Variants in KIAA1217 observed in about 807,000 individuals in gnomAD.
KIAA1217 encodes the protein sickle tail protein homolog.
Under a neutral mutation model 163.9 loss-of-function variants are expected in KIAA1217, and 88 were observed. That is an observed-to-expected ratio of 0.54 (90% confidence interval 0.45 to 0.64). The LOEUF (loss-of-function observed/expected upper bound fraction) is 0.64, where lower values mean the gene tolerates loss of function less well. Among genes scored for constraint, KIAA1217 ranks in the 30% least tolerant of loss-of-function variants. The probability of loss-of-function intolerance (pLI) is 0.00; values close to 1 mark genes in which losing one functional copy is unlikely to be tolerated. For synonymous variants in KIAA1217, 903 were observed against 923.1 expected (o/e 0.98, Z 0.39); for missense variants, 2,372 against 2,475.0 (o/e 0.96, Z 0.88).
At chr10:24,169,660 T>G (rs1004603914) in intron 2 of KIAA1217, among the ~76,000 whole-genome samples, 4 of 152,118 alleles carry the variant, frequency 2.6e-5, no homozygotes, top group Non-Finnish European at 4.4e-5. Flanking sequence ...GTATTTAACT[T>G]GTCCAATGTT....
chr10:24,072,470 A>C (rs1008627721), intron 2 of KIAA1217, among the ~76,000 whole-genome samples: 1 of 152,242 alleles, frequency 6.6e-6, no homozygotes, highest in African/African-American at 2.4e-5. Context: ...TGTATTAGGT[A>C]AACATAAATA....
intron 2 of KIAA1217, 147 bp downstream of exon 2, chr10:24,220,056 G>A (rs762233384): frequency 2.9e-5 from 24 of 822,522 alleles, no homozygotes; most frequent in Non-Finnish European, 3.6e-5. Flanking sequence ...TGGGGCCTTG[G>A]GAGGAGGAAG....
intron 1 of KIAA1217, among the ~76,000 whole-genome samples, chr10:23,927,337 T>A (rs998805891): frequency 4.0e-5 from 6 of 151,592 alleles, no homozygotes; most frequent in African/African-American, 1.5e-4. Flanking sequence ...TGTGTGTGTG[T>A]GTGTGTGTGT....
intron 3 of KIAA1217, among the ~76,000 whole-genome samples, chr10:24,382,481 A>T (rs6482386): frequency 6.6e-6 from 1 of 151,932 alleles, no homozygotes; most frequent in East Asian, 1.9e-4. Context: ...TTAATATTTA[A>T]CATTAAATTT....
intron 1 of KIAA1217, among the ~76,000 whole-genome samples, chr10:23,793,251 G>C (rs1836043098): frequency 1.3e-5 from 2 of 152,206 alleles, no homozygotes; most frequent in South Asian, 2.1e-4. Flanking sequence ...CTTCACAAGT[G>C]AGTGGAGAGG....
At chr10:24,421,762 A>C (rs1349698065) in intron 3 of KIAA1217, among the ~76,000 whole-genome samples, 1 of 152,186 alleles carries the variant, frequency 6.6e-6, no homozygotes, top group Admixed American at 6.5e-5. Context: ...TATATTGCAG[A>C]AAATTTTAGG....
chr10:24,297,333 G>A (rs556221459), intron 2 of KIAA1217, among the ~76,000 whole-genome samples: 1 of 152,288 alleles, frequency 6.6e-6, no homozygotes, highest in African/African-American at 2.4e-5. Context: ...TCAGTGTGAC[G>A]TAAGTAACTA....
At chr10:23,893,129 A>C (rs911114957) in intron 1 of KIAA1217, among the ~76,000 whole-genome samples, 2 of 151,788 alleles carry the variant, frequency 1.3e-5, no homozygotes, top group Non-Finnish European at 2.9e-5. Context: ...CCTGGACTCT[A>C]TTTGGTTGGT....
rs779820815 is a variant in KIAA1217, at chr10:24,219,712, C to A, written c.157C>A (p.Arg53Ser). The change falls in exon 2 of 21, where the codon CGT becomes AGT. Residue 53 changes from arginine to serine, a missense_variant. Around this residue, in one of 3 missense-constraint regions of KIAA1217, gnomAD observed 1,431 missense variants for 1,470.3 expected, o/e 0.97. Coordinates refer to ENST00000376454, the MANE Select transcript of KIAA1217 (RefSeq NM_019590.5). Reference sequence around the variant, plus strand: ...GGAACGCCTTTCTAATGGAAACAGTCGTGGTTCAGTTTCCAAGTCTTCCCG... The same window carrying A: ...GGAACGCCTTTCTAATGGAAACAGTAGTGGTTCAGTTTCCAAGTCTTCCCG... The part of the protein sequence containing the change: ...TKERLSNGNS[R>S]GSVSKSSRNI... 10 of 1,613,916 alleles carry A rather than the reference C, an allele frequency of 6.2e-6. No homozygotes were observed. In the South Asian group the frequency reaches 1.1e-4, roughly 18 times the overall value.
At chr10:24,066,107 C>G (rs113598485) in intron 2 of KIAA1217, among the ~76,000 whole-genome samples, 2 of 152,146 alleles carry the variant, frequency 1.3e-5, no homozygotes, top group Non-Finnish European at 2.9e-5. Context: ...ATTTGCCAGT[C>G]TGTGCCTTTT....
chr10:24,137,269 C>A (rs944021854), intron 2 of KIAA1217, among the ~76,000 whole-genome samples: 1 of 152,218 alleles, frequency 6.6e-6, no homozygotes, highest in Non-Finnish European at 1.5e-5. Context: ...GTTCCCCCTG[C>A]CCCAGGCAGC....
At chr10:24,376,782 ACC>A (rs2052557867) in intron 2 of KIAA1217, among the ~76,000 whole-genome samples, 2 of 152,130 alleles carry the variant, frequency 1.3e-5, no homozygotes, top group African/African-American at 4.8e-5. Context: ...TGAATGAATG[ACC>A]AACCAACCAA....
rs76914052 is a variant in KIAA1217 at position 24,114,460 on chromosome 10, C to G, written c.-170-105166C>G. ...GGTTCTCTTCTCACTTACAGACCCCCCCTGTTGCAGCCAGCTAAGTGCTTT... is the reference window on the plus strand; with the variant it reads ...GGTTCTCTTCTCACTTACAGACCCCGCCTGTTGCAGCCAGCTAAGTGCTTT... On this transcript the variant is annotated intron_variant, in intron 2 of 18. Coordinates refer to the KIAA1217 transcript ENST00000376462. Among the ~76,000 whole-genome samples, 1,175 of 152,296 alleles carry G rather than the reference C, an allele frequency of 7.7e-3. 19 individuals are homozygous for G. Among genetic ancestry groups the G allele is most frequent in the African/African-American group, 0.027 (1,111 of 41,550 alleles).
Position 24,142,493 on chromosome 10 carries a change from G to C in KIAA1217, c.-170-77133G>C, listed in dbSNP as rs568503314. ...CTGGAGAAAGAAGGAAGATGGACCTGTTGGGTCCAATCCACACTATTCGAG... is the reference window on the plus strand; with the variant it reads ...CTGGAGAAAGAAGGAAGATGGACCTCTTGGGTCCAATCCACACTATTCGAG... On this transcript the variant is annotated intron_variant, in intron 2 of 18. Coordinates refer to the KIAA1217 transcript ENST00000376462. Among the ~76,000 whole-genome samples, 17 of 152,260 alleles carry C rather than the reference G, an allele frequency of 1.1e-4. No homozygotes were observed. In the South Asian group the frequency reaches 3.5e-3, roughly 32 times the overall value.
chr10:24,510,945 T>G (rs894594399), intron 9 of KIAA1217, among the ~76,000 whole-genome samples: 2 of 152,064 alleles, frequency 1.3e-5, no homozygotes, highest in Admixed American at 6.6e-5. Context: ...ATTCAACAGA[T>G]GTATTTTCAG....
intron 2 of KIAA1217, among the ~76,000 whole-genome samples, chr10:24,200,349 C>T (rs1031003811): frequency 2.0e-5 from 3 of 151,940 alleles, no homozygotes; most frequent in Non-Finnish European, 4.4e-5. Flanking sequence ...GATGAGGTCT[C>T]GCTGTGTTGC....
intron 1 of KIAA1217, among the ~76,000 whole-genome samples, chr10:23,918,366 T>C (rs1842709537): frequency 6.6e-6 from 1 of 152,062 alleles, no homozygotes; most frequent in African/African-American, 2.4e-5. Context: ...CTCATCTCCA[T>C]GTGAAAAATA....
chr10:24,118,401 T>C (rs1412514907), intron 2 of KIAA1217, among the ~76,000 whole-genome samples: 1 of 152,192 alleles, frequency 6.6e-6, no homozygotes, highest in East Asian at 1.9e-4. Context: ...CTGCTGAGCC[T>C]AGAAAACCGA....
intron 3 of KIAA1217, among the ~76,000 whole-genome samples, chr10:24,382,408 G>A (rs372566858): frequency 6.6e-6 from 1 of 151,878 alleles, no homozygotes; most frequent in African/African-American, 2.4e-5. Context: ...ACTGAATTCA[G>A]ACATTGTCCT....
Sources: gnomAD v4.1 joint callset for allele counts (sites outside exome capture counted in the v4.1 genomes callset) on GRCh38, gnomAD v4.1.1 for gene constraint, gnomAD v4.1.1 regional missense constraint, MANE v1.5 for transcripts, NCBI Gene and HGNC (gene_info 2026-07-23, HGNC 2026-07-21) for gene names.